Variants in CD1B observed in about 807,000 individuals in gnomAD.
CD1B encodes CD1b molecule.
Under a neutral mutation model 39.8 loss-of-function variants are expected in CD1B, and 43 were observed. The observed-to-expected ratio is 1.08, with a 90% CI of 0.85 to 1.39. CD1B has a LOEUF of 1.39. Ranked by LOEUF, CD1B falls within the 40% of genes most tolerant of loss-of-function variation. The pLI, the probability that CD1B is intolerant of heterozygous loss-of-function variation, is 0.00. For missense variants in CD1B, 495 were observed against 403.8 expected (o/e 1.23, Z -1.94); for synonymous variants, 192 against 152.5 (o/e 1.26, Z -1.91).
At chr1:158,288,921 G>T in the CD1B span, among the ~76,000 whole-genome samples, 2 of 152,010 alleles carry the variant, frequency 1.3e-5, no homozygotes, top group African/African-American at 4.8e-5. Context: ...AATGTGTTTT[G>T]GTCAGATCAC....
the CD1B span, among the ~76,000 whole-genome samples, chr1:158,309,473 A>G: frequency 5.3e-5 from 8 of 152,202 alleles, no homozygotes; most frequent in Non-Finnish European, 7.3e-5. Context: ...CAGCCATCCC[A>G]TTACTGGTTA....
Position 158,329,453 on chromosome 1 carries a change from T to C in CD1B, c.803A>G (p.Asp268Gly). The C allele has an allele frequency of 6.2e-7, 1 of 1,614,138 alleles. No homozygotes were observed. Among genetic ancestry groups the C allele is most frequent in the Non-Finnish European group, 8.5e-7 (1 of 1,180,036 alleles). The change falls in exon 4 of 6, where the codon GAT becomes GGT. Residue 268 changes from aspartate to glycine, a missense_variant. Asp to Gly is a moderately conservative substitution (Grantham distance 94). Transcript: ENST00000368168. ...GCCAGCCGCCTCCCCATCTGCCACA[T>C]CCAGGGTTGCTCGGAGATACCATGT... ...NWTWYLRATL[D>G]VADGEAAGLS...
the CD1B span, among the ~76,000 whole-genome samples, chr1:158,315,116 C>T: frequency 4.0e-5 from 6 of 151,722 alleles, no homozygotes; most frequent in African/African-American, 1.2e-4. Flanking sequence ...GCAATAAACA[C>T]ACGTGTGCAT....
the CD1B span, among the ~76,000 whole-genome samples, chr1:158,288,215 T>C: frequency 2.0e-5 from 3 of 152,228 alleles, no homozygotes; most frequent in East Asian, 1.9e-4. Context: ...AAAGATATTA[T>C]AGTTCATAGA....
the CD1B span, chr1:158,293,441 C>G: frequency 1.9e-6 from 3 of 1,613,850 alleles, no homozygotes; most frequent in Non-Finnish European, 2.5e-6. Context: ...TCTCCCATTC[C>G]TGTTCCTTCA....
the CD1B span, among the ~76,000 whole-genome samples, chr1:158,314,423 C>G: frequency 6.6e-6 from 1 of 152,004 alleles, no homozygotes; most frequent in Non-Finnish European, 1.5e-5. Context: ...CTTTGTTATT[C>G]TTTTGTGTTG....
chr1:158,318,840 C>A, the CD1B span, among the ~76,000 whole-genome samples: 5 of 152,092 alleles, frequency 3.3e-5, no homozygotes, highest in Non-Finnish European at 5.9e-5. Context: ...CCTTCAGGAG[C>A]TCTTTTAGGG....
downstream of CD1B, among the ~76,000 whole-genome samples, chr1:158,323,532 G>A (rs1305094099): frequency 2.0e-5 from 3 of 152,048 alleles, no homozygotes; most frequent in Non-Finnish European, 4.4e-5. Flanking sequence ...AAATTCCCTG[G>A]TTGTTCTTGA....
the CD1B span, among the ~76,000 whole-genome samples, chr1:158,297,540 C>G: frequency 1.2e-4 from 18 of 152,230 alleles, no homozygotes; most frequent in East Asian, 2.3e-3. Flanking sequence ...ACAATTAAGT[C>G]TACATAACAA....
the CD1B span, among the ~76,000 whole-genome samples, chr1:158,297,384 A>G: frequency 6.6e-6 from 1 of 152,214 alleles, no homozygotes; most frequent in Non-Finnish European, 1.5e-5. Flanking sequence ...AATTCAGCAA[A>G]GCAAATGCTA....
the CD1B span, among the ~76,000 whole-genome samples, chr1:158,286,498 T>C: frequency 6.6e-6 from 1 of 152,236 alleles, no homozygotes. Flanking sequence ...TTGAATATTT[T>C]AGGCTGATAG....
In CD1B at chr1:158,329,616, T is replaced by TG. The variant is rs1428527655; in HGVS notation, c.639dup (p.Ser214GlnfsTer29). 3 of 1,614,018 alleles carry TG rather than the reference T, an allele frequency of 1.9e-6. No individual in the cohort carries two copies. The highest frequency in any genetic ancestry group is 2.5e-6 in the Non-Finnish European group (3 of 1,180,008). Reference sequence around the variant, plus strand: ...AGCTGCAGACGGCCAGGTCCAGGACTGGGGCCACTGGACAGCCAGGCCTCA... The same window carrying TG: ...AGCTGCAGACGGCCAGGTCCAGGACTGGGGGCCACTGGACAGCCAGGCCTCA... On this transcript the variant is annotated frameshift_variant, in exon 4 of 6. Coordinates refer to ENST00000368168, the MANE Select transcript of CD1B (RefSeq NM_001764.3). LOFTEE classifies it high-confidence loss of function.
At chr1:158,315,832 G>A in the CD1B span, among the ~76,000 whole-genome samples, 1 of 151,980 alleles carries the variant, frequency 6.6e-6, no homozygotes. Context: ...ATTAATTTTT[G>A]TATGAGGTGT....
At chr1:158,318,586 C>G in the CD1B span, among the ~76,000 whole-genome samples, 2 of 152,260 alleles carry the variant, frequency 1.3e-5, no homozygotes, top group African/African-American at 2.4e-5. Context: ...TTCCTGAATA[C>G]AGCACACTGA....
chr1:158,292,845 T>G, the CD1B span: 17 of 1,613,982 alleles, frequency 1.1e-5, no homozygotes, highest in Non-Finnish European at 1.2e-5. Flanking sequence ...CACAGCAGTC[T>G]AGGAGGCCAG....
At chr1:158,291,980 A>T in the CD1B span, 2 of 1,149,692 alleles carry the variant, frequency 1.7e-6, no homozygotes, top group Non-Finnish European at 2.5e-6. Context: ...TCTCACATCC[A>T]TGTAAAACTT....
the CD1B span, chr1:158,293,185 ATCCATG>A: frequency 1.3e-6 from 2 of 1,537,752 alleles, no homozygotes; most frequent in South Asian, 1.2e-5. Flanking sequence ...TTAAAATGGC[ATCCATG>A]TATCTTTCCA....
chr1:158,293,474 T>A, the CD1B span: 1 of 1,614,024 alleles, frequency 6.2e-7, no homozygotes, highest in South Asian at 1.1e-5. Context: ...GGACATCCTG[T>A]GAGACTCTTC....
downstream of CD1B, among the ~76,000 whole-genome samples, chr1:158,324,910 A>G (rs374066701): frequency 7.4e-4 from 112 of 152,310 alleles, 4 homozygotes; most frequent in South Asian, 0.023. Flanking sequence ...CAGATAGGAC[A>G]ATTTGAGCTT....
Sources: allele counts gnomAD v4.1 joint callset (sites outside exome capture counted in the v4.1 genomes callset), GRCh38; gene constraint gnomAD v4.1.1; transcripts MANE v1.5; gene names NCBI Gene and HGNC (gene_info 2026-07-23, HGNC 2026-07-21).